KCNT2: variants seen among roughly 807,000 people sequenced by gnomAD.
The protein encoded by KCNT2 is potassium sodium-activated channel subfamily T member 2, also known as potassium channel subfamily T member 2.
A neutral mutation model predicts 153.8 loss-of-function variants in KCNT2; 67 were observed. The ratio of observed to expected loss-of-function variants is 0.44; its 90% CI spans 0.36 to 0.53. The LOEUF is 0.53. KCNT2 is among the 20% of genes least tolerant of loss of function. The pLI is 0.00. For synonymous variants in KCNT2, 500 were observed against 458.8 expected (o/e 1.09, Z -1.15); for missense variants, 975 against 1,354.8 (o/e 0.72, Z 4.40).
intron 1 of KCNT2, among the ~76,000 whole-genome samples, chr1:196,519,009 G>A (rs1652988639): frequency 6.6e-6 from 1 of 151,966 alleles, no homozygotes; most frequent in African/African-American, 2.4e-5. Context: ...TTGCCACAAG[G>A]CACATAGGTT....
chr1:196,284,248 A>AAAAAAAAAAATATATATATAT, intron 23 of KCNT2, among the ~76,000 whole-genome samples: 6 of 10,050 alleles, frequency 6.0e-4, no homozygotes, highest in African/African-American at 8.2e-4. Flanking sequence ...AAAAAAAAAA[A>AAAAAAAAAAATATATATATAT]ATATATATAT....
At chr1:196,274,463 G>T (rs1658366517) in intron 25 of KCNT2, among the ~76,000 whole-genome samples, 2 of 151,642 alleles carry the variant, frequency 1.3e-5, no homozygotes, top group African/African-American at 4.8e-5. Flanking sequence ...AATAAATGTT[G>T]TTTGAGAGAA....
At chr1:196,607,145 A>G (rs1665407137) in intron 1 of KCNT2, among the ~76,000 whole-genome samples, 1 of 152,192 alleles carries the variant, frequency 6.6e-6, no homozygotes, top group Non-Finnish European at 1.5e-5. Flanking sequence ...GGTGAAGAAA[A>G]GAAATAGAGT....
intron 26 of KCNT2, 115 bp downstream of exon 26, chr1:196,258,079 A>C: frequency 1.4e-6 from 2 of 1,454,748 alleles, no homozygotes; most frequent in East Asian, 2.4e-5. Context: ...ACTAGTTTCT[A>C]CTAATTGACC....
chr1:196,500,149 A>C (rs1218464562), intron 1 of KCNT2, among the ~76,000 whole-genome samples: 1 of 149,390 alleles, frequency 6.7e-6, no homozygotes, highest in Non-Finnish European at 1.5e-5. Flanking sequence ...ATCAAAAAAA[A>C]GGGAGGAAAG....
At chr1:196,575,852 C>T (rs1157859405) in intron 1 of KCNT2, among the ~76,000 whole-genome samples, 1 of 151,544 alleles carries the variant, frequency 6.6e-6, no homozygotes, top group Non-Finnish European at 1.5e-5. Context: ...GAGGCGCATG[C>T]CTGTAATCCC....
At chr1:196,501,653 A>G (rs1474507014) in intron 1 of KCNT2, among the ~76,000 whole-genome samples, 5 of 152,310 alleles carry the variant, frequency 3.3e-5, no homozygotes, top group African/African-American at 9.6e-5. Context: ...AATGTTCACT[A>G]TTCAGATGAT....
intron 18 of KCNT2, among the ~76,000 whole-genome samples, chr1:196,327,586 T>C (rs1663994910): frequency 6.6e-6 from 1 of 152,068 alleles, no homozygotes; most frequent in South Asian, 2.1e-4. Flanking sequence ...TACCTTTATA[T>C]GTCTTTATGT....
intron 19 of KCNT2, among the ~76,000 whole-genome samples, chr1:196,319,802 G>A (rs930564046): frequency 1.3e-5 from 2 of 151,452 alleles, no homozygotes; most frequent in East Asian, 1.9e-4. Flanking sequence ...AAACATTATC[G>A]CATAATTCTA....
intron 19 of KCNT2, among the ~76,000 whole-genome samples, chr1:196,324,214 T>A (rs1016559680): frequency 7.9e-5 from 12 of 151,978 alleles, no homozygotes; most frequent in African/African-American, 2.9e-4. Context: ...TTCCCAAATG[T>A]AAGCCATTAG....
chr1:196,585,999 C>T (rs1032997110), intron 1 of KCNT2, among the ~76,000 whole-genome samples: 19 of 152,052 alleles, frequency 1.2e-4, no homozygotes, highest in African/African-American at 4.6e-4. Context: ...TGTCTATAAT[C>T]CCAGAACTTT....
chr1:196,340,410 T>G lies in KCNT2; in HGVS notation c.1714A>C (p.Ser572Arg), dbSNP rs1665503630. ...TGATAAAACGACCTGGACACATTGCTTTTTCTCTGCTGGTCTTGGTTTTTA... is the reference window on the plus strand; with the variant it reads ...TGATAAAACGACCTGGACACATTGCGTTTTCTCTGCTGGTCTTGGTTTTTA... ...AFKNQDQQRK[S>R]NVSRSFYHGP... is the part of the protein sequence containing the mutation. The change falls in exon 16 of 28, where the codon AGC (serine) becomes CGC (arginine). Residue 572 changes from serine (S) to arginine (R), a missense_variant. Coordinates refer to ENST00000294725, the MANE Select transcript of KCNT2 (RefSeq NM_198503.5). The G allele has an allele frequency of 3.1e-6, 5 of 1,612,988 alleles. No individual in the cohort carries two copies. The highest frequency in any genetic ancestry group is 1.3e-5 in the African/African-American group (1 of 74,998).
At chr1:196,493,459 A>G (rs1448140143) in intron 1 of KCNT2, among the ~76,000 whole-genome samples, 1 of 152,100 alleles carries the variant, frequency 6.6e-6, no homozygotes, top group Admixed American at 6.5e-5. Context: ...TCACTACTAT[A>G]TTATCTCATA....
intron 3 of KCNT2, among the ~76,000 whole-genome samples, chr1:196,485,279 C>T (rs942139179): frequency 6.6e-6 from 1 of 151,908 alleles, no homozygotes; most frequent in Non-Finnish European, 1.5e-5. Context: ...GGGAACAACA[C>T]ATACCAAGGC....
intron 8 of KCNT2, among the ~76,000 whole-genome samples, chr1:196,442,422 A>G (rs1675315284): frequency 6.6e-6 from 1 of 151,826 alleles, no homozygotes; most frequent in Non-Finnish European, 1.5e-5. Flanking sequence ...GTATGTAAAA[A>G]CCAGCATGAC....
intron 1 of KCNT2, among the ~76,000 whole-genome samples, chr1:196,561,371 T>C (rs1659360656): frequency 6.6e-6 from 1 of 150,576 alleles, no homozygotes; most frequent in Non-Finnish European, 1.5e-5. Flanking sequence ...AGGTGAGAAA[T>C]GGTAGGAATT....
chr1:196,284,209 C>T (rs1317372083), intron 23 of KCNT2, among the ~76,000 whole-genome samples: 6 of 72,038 alleles, frequency 8.3e-5, no homozygotes, highest in South Asian at 5.3e-4. Flanking sequence ...CTAGACTGGG[C>T]GACAGAGCAA....
chr1:196,439,194 T>C (rs1446658456), intron 8 of KCNT2, among the ~76,000 whole-genome samples: 4 of 151,964 alleles, frequency 2.6e-5, no homozygotes, highest in Non-Finnish European at 4.4e-5. Context: ...TTGGTTAATA[T>C]CTGTTTTAAA....
At chr1:196,286,163 G>A (rs771931967) in intron 22 of KCNT2, among the ~76,000 whole-genome samples, 7 of 152,036 alleles carry the variant, frequency 4.6e-5, no homozygotes, top group Non-Finnish European at 1.0e-4. Context: ...AAAATAGGGA[G>A]GTAGGCACCT....
Sources: allele counts gnomAD v4.1 joint callset (sites outside exome capture counted in the v4.1 genomes callset), GRCh38; gene constraint gnomAD v4.1.1; transcripts MANE v1.5; gene names NCBI Gene and HGNC (gene_info 2026-07-23, HGNC 2026-07-21).